The following REV3L variants were observed in gnomAD, a reference collection of about 807,000 sequenced individuals.
REV3L encodes the protein REV3 like, DNA directed polymerase zeta catalytic subunit, also known as DNA polymerase zeta catalytic subunit.
A neutral mutation model predicts 299.4 loss-of-function variants in REV3L; 69 were observed. The observed-to-expected ratio is 0.23, with a 90% confidence interval of 0.19 to 0.28. REV3L has a LOEUF of 0.28. Ranked by LOEUF, REV3L falls within the 10% of genes least tolerant of loss-of-function variation. The probability of loss-of-function intolerance (pLI) is 1.00; values close to 1 mark genes in which losing one functional copy is unlikely to be tolerated. For missense variants in REV3L, 3,128 were observed against 3,693.8 expected (o/e 0.85, Z 3.97); for synonymous variants, 1,238 against 1,271.4 (o/e 0.97, Z 0.56).
chr6:111,478,286 T>A (rs1265258673), intron 1 of REV3L, among the ~76,000 whole-genome samples: 1 of 152,206 alleles, frequency 6.6e-6, no homozygotes, highest in African/African-American at 2.4e-5. Context: ...GACTTACGTT[T>A]ACATGCCCAT....
At chr6:111,448,321 T>C (rs12191726) in intron 1 of REV3L, among the ~76,000 whole-genome samples, 16,419 of 152,190 alleles carry the variant, frequency 0.11, 1,172 homozygotes, top group Middle Eastern at 0.22. Flanking sequence ...CCCCTTTTTA[T>C]TGGAGGTTTT....
chr6:111,388,683 A>C lies in REV3L; in HGVS notation c.862+423T>G, dbSNP rs189477120. 7.3e-4 allele frequency among the ~76,000 whole-genome samples: 111 copies of C among 152,322 alleles called. 1 individual carries two copies. Among genetic ancestry groups the C allele is most frequent in the Middle Eastern group, 3.4e-3 (1 of 294 alleles). On this transcript the variant is annotated intron_variant, in intron 7 of 31. Coordinates refer to ENST00000368802, the MANE Select transcript of REV3L (RefSeq NM_001372078.1). ...TGAACAAAGTGAGAGCTTATATGAC[A>C]TACTCAGAAAATAAACTGTGGGCAG... is the stretch of plus-strand genomic sequence containing the variant.
At chr6:111,474,971 C>A (rs1792734365) in intron 1 of REV3L, among the ~76,000 whole-genome samples, 1 of 124,556 alleles carries the variant, frequency 8.0e-6, no homozygotes, top group Non-Finnish European at 1.6e-5. Context: ...ACATTACATT[C>A]TATAGCTGCC....
intron 10 of REV3L, 40 bp from the exon 11 acceptor site, chr6:111,380,259 CTTTT>C: frequency 8.6e-7 from 1 of 1,165,060 alleles, no homozygotes; most frequent in Non-Finnish European, 1.2e-6. Flanking sequence ...AATAAGTTTT[CTTTT>C]TTTTTTTTGA....
chr6:111,473,633 G>A (rs1346520502), intron 1 of REV3L, among the ~76,000 whole-genome samples: 1 of 151,688 alleles, frequency 6.6e-6, no homozygotes, highest in Non-Finnish European at 1.5e-5. Flanking sequence ...TATATAAGAA[G>A]ATTCTAAGCA....
intron 4 of REV3L, among the ~76,000 whole-genome samples, chr6:111,396,440 A>C (rs1414626332): frequency 6.6e-6 from 1 of 151,376 alleles, no homozygotes; most frequent in East Asian, 1.9e-4. Context: ...AGTGATGCTG[A>C]CCTGTAGTTT....
intron 1 of REV3L, among the ~76,000 whole-genome samples, chr6:111,437,368 C>T (rs1416808785): frequency 1.3e-5 from 2 of 151,826 alleles, no homozygotes; most frequent in East Asian, 3.9e-4. Context: ...TGGATAAATA[C>T]AATACAGCAT....
At chr6:111,459,592 T>G (rs1418256816) in intron 1 of REV3L, among the ~76,000 whole-genome samples, 2 of 151,788 alleles carry the variant, frequency 1.3e-5, no homozygotes, top group South Asian at 2.1e-4. Flanking sequence ...AATAACCCCA[T>G]TAAAATGTAA....
In REV3L at chr6:111,367,721, G is replaced by C. The variant is rs1227906523; in HGVS notation, c.6067C>G (p.Pro2023Ala). ...ACAACTCCAGTTGGCTTGGTTTTAG[G>C]CAGTTTCTTGGAACGTTCGTATTCT... Reference protein sequence around the residue: ...KEEYERSKKLPKTKPTGVVKS... With the variant: ...KEEYERSKKLAKTKPTGVVKS... Residue 2023 changes from proline to alanine, a missense_variant, in exon 14 of 32, where the codon CCT becomes GCT. This residue lies in a region of REV3L where 2,409 missense variants were observed against 2,611.8 expected (regional missense o/e 0.92). Coordinates refer to ENST00000368802, the MANE Select transcript of REV3L (RefSeq NM_001372078.1). 3 of 1,614,044 alleles carry C rather than the reference G, an allele frequency of 1.9e-6. No individual in the cohort carries two copies. Among genetic ancestry groups the C allele is most frequent in the Non-Finnish European group, 2.5e-6 (3 of 1,180,028 alleles).
Position 111,367,427 on chromosome 6 carries a change from C to T in REV3L, c.6361G>A (p.Asp2121Asn). 1 of 1,611,408 alleles carries T rather than the reference C, an allele frequency of 6.2e-7. No homozygotes were observed. Among genetic ancestry groups the T allele is most frequent in the Non-Finnish European group, 8.5e-7 (1 of 1,178,970 alleles). Residue 2121 changes from aspartate to asparagine, a missense_variant, in exon 14 of 32, where the codon GAT (aspartate) becomes AAT (asparagine). Physicochemically the swap from Asp to Asn is conservative, Grantham distance 23 (BLOSUM62 1). Around this residue, in one of 9 missense-constraint regions of REV3L, gnomAD observed 2,409 missense variants for 2,611.8 expected, o/e 0.92. Transcript: ENST00000368802. ...DNYYISYSSP[D>N]SPVIPPWQQP... ...TGCCAAGGGGGAATTACTGGAGAATCAGGGGAGCTATAACTAATGTAATAG... is the reference window on the plus strand; with the variant it reads ...TGCCAAGGGGGAATTACTGGAGAATTAGGGGAGCTATAACTAATGTAATAG...
chr6:111,424,543 A>T (rs1435393383), intron 1 of REV3L, among the ~76,000 whole-genome samples: 1 of 152,216 alleles, frequency 6.6e-6, no homozygotes, highest in Non-Finnish European at 1.5e-5. Flanking sequence ...AACTTGTTCT[A>T]ATCTGATCTC....
chr6:111,344,472 C>A (rs1255302894), intron 20 of REV3L, among the ~76,000 whole-genome samples: 2 of 152,118 alleles, frequency 1.3e-5, no homozygotes, highest in East Asian at 3.9e-4. Flanking sequence ...TAGTTAAAGG[C>A]AGGCATTCTC....
In REV3L at chr6:111,333,228, C is replaced by T. The variant is rs1295966283; in HGVS notation, c.7820G>A (p.Ser2607Asn). 6.2e-7 allele frequency: 1 copy of T among 1,613,972 alleles called. No individual in the cohort carries two copies. Among genetic ancestry groups the T allele is most frequent in the African/African-American group, 1.3e-5 (1 of 74,902 alleles). ...GAAATCCAAAACGAGAACAGAGTTG[C>T]TATAGAAGCGGGATTCAGGCTCCAT... Reference protein sequence around the residue: ...LIMEPESRFYSNSVLVLDFQS... With the variant: ...LIMEPESRFYNNSVLVLDFQS... The change falls in exon 23 of 32, where the codon AGC becomes AAC. Residue 2607 changes from serine (S) to asparagine (N), a missense_variant. Ser to Asn is a conservative substitution (Grantham distance 46, BLOSUM62 1). Transcript: ENST00000368802.
At chr6:111,477,987 A>G (rs1389934249) in intron 1 of REV3L, among the ~76,000 whole-genome samples, 2 of 152,220 alleles carry the variant, frequency 1.3e-5, no homozygotes, top group African/African-American at 4.8e-5. Context: ...CTCATAGATT[A>G]AAATCCCTAA....
chr6:111,409,711 C>A (rs529294897), intron 3 of REV3L, among the ~76,000 whole-genome samples: 2 of 151,932 alleles, frequency 1.3e-5, no homozygotes, highest in African/African-American at 4.8e-5. Flanking sequence ...ACATACAGCA[C>A]GCAGGGAAGG....
intron 1 of REV3L, among the ~76,000 whole-genome samples, chr6:111,443,826 T>C (rs1788545624): frequency 6.6e-6 from 1 of 152,262 alleles, no homozygotes; most frequent in African/African-American, 2.4e-5. Context: ...GCTGTTCATT[T>C]ATTCATTTCA....
intron 1 of REV3L, among the ~76,000 whole-genome samples, chr6:111,473,843 A>T (rs1164236423): frequency 6.6e-6 from 1 of 152,126 alleles, no homozygotes; most frequent in Non-Finnish European, 1.5e-5. Flanking sequence ...CCCAATTTTC[A>T]AATCCAGCCT....
intron 26 of REV3L, among the ~76,000 whole-genome samples, chr6:111,318,956 C>T (rs1348038532): frequency 1.3e-5 from 2 of 152,032 alleles, no homozygotes; most frequent in Non-Finnish European, 2.9e-5. Flanking sequence ...AAGTGGTTGT[C>T]TAGGGCATGG....
intron 1 of REV3L, among the ~76,000 whole-genome samples, chr6:111,428,275 A>G (rs9384796): frequency 0.014 from 2,151 of 152,278 alleles, 41 homozygotes; most frequent in East Asian, 0.076. Context: ...AATTCAAAAT[A>G]CCAGGTATAA....
Sources: allele counts gnomAD v4.1 joint callset (sites outside exome capture counted in the v4.1 genomes callset), GRCh38; gene constraint gnomAD v4.1.1; regional missense constraint gnomAD v4.1.1; transcripts MANE v1.5; gene names NCBI Gene and HGNC (gene_info 2026-07-23, HGNC 2026-07-21).